Variants in SHISA9 observed in about 807,000 individuals in gnomAD.
SHISA9 encodes the protein protein shisa-9.
Under a neutral mutation model 38.0 loss-of-function variants are expected in SHISA9, and 13 were observed. The observed-to-expected ratio is 0.34, with a 90% confidence interval of 0.22 to 0.54. SHISA9 has a LOEUF of 0.54. SHISA9 is among the 20% of genes least tolerant of loss of function. The pLI is 0.91. For missense variants in SHISA9, 538 were observed against 575.8 expected, an observed-to-expected ratio of 0.93 and a Z score of 0.67; for synonymous variants, 275 against 242.0, an observed-to-expected ratio of 1.14 and a Z score of -1.27.
chr16:13,513,152 G>A, the SHISA9 span, among the ~76,000 whole-genome samples: 3 of 152,128 alleles, frequency 2.0e-5, no homozygotes, highest in African/African-American at 7.2e-5. Context: ...GAACTTAAAC[G>A]AATTTACAAG....
intron 2 of SHISA9, among the ~76,000 whole-genome samples, chr16:13,044,961 G>T (rs1166228694): frequency 6.6e-6 from 1 of 152,194 alleles, no homozygotes; most frequent in Non-Finnish European, 1.5e-5. Flanking sequence ...GCGCAGCTTG[G>T]TGCAGATGTT....
chr16:13,523,195 C>T, the SHISA9 span, among the ~76,000 whole-genome samples: 3 of 151,944 alleles, frequency 2.0e-5, no homozygotes, highest in Admixed American at 2.0e-4. Context: ...TAAAAAAATA[C>T]AAAAATTAGC....
chr16:12,998,584 C>T (rs936735367), intron 2 of SHISA9, among the ~76,000 whole-genome samples: 1 of 152,148 alleles, frequency 6.6e-6, no homozygotes, highest in Non-Finnish European at 1.5e-5. Flanking sequence ...GGCTGGAGTG[C>T]AGTGGTGCGA....
chr16:13,408,836 C>T, the SHISA9 span, among the ~76,000 whole-genome samples: 1 of 152,160 alleles, frequency 6.6e-6, no homozygotes, highest in African/African-American at 2.4e-5. Context: ...CAGAAGTATT[C>T]CTAGAAGTCA....
the SHISA9 span, among the ~76,000 whole-genome samples, chr16:13,351,894 T>C: frequency 0.82 from 124,561 of 152,186 alleles, 51,102 homozygotes; most frequent in East Asian, 0.96. Context: ...ATAGCAAACA[T>C]ACTGCTATCC....
At chr16:12,914,144 C>G (rs2071223582) in intron 1 of SHISA9, among the ~76,000 whole-genome samples, 1 of 149,652 alleles carries the variant, frequency 6.7e-6, no homozygotes, top group Non-Finnish European at 1.5e-5. Context: ...CTCCCGGGTT[C>G]AAGCAATTGT....
At chr16:13,320,189 G>A in the SHISA9 span, among the ~76,000 whole-genome samples, 6 of 149,578 alleles carry the variant, frequency 4.0e-5, no homozygotes, top group Non-Finnish European at 8.9e-5. Context: ...TACTCAGGAG[G>A]CTGAGGCAGG....
At chr16:13,174,707 G>A (rs1008390921) in intron 2 of SHISA9, among the ~76,000 whole-genome samples, 4 of 152,140 alleles carry the variant, frequency 2.6e-5, no homozygotes, top group Non-Finnish European at 4.4e-5. Flanking sequence ...GAGGGAAGAC[G>A]CTGGTTTTGT....
At chr16:13,270,819 G>A in the SHISA9 span, among the ~76,000 whole-genome samples, 1 of 152,142 alleles carries the variant, frequency 6.6e-6, no homozygotes, top group African/African-American at 2.4e-5. Flanking sequence ...AATGGGGAGG[G>A]GTAGAGCACC....
the SHISA9 span, among the ~76,000 whole-genome samples, chr16:13,362,000 G>C: frequency 6.6e-6 from 1 of 152,098 alleles, no homozygotes; most frequent in Non-Finnish European, 1.5e-5. Context: ...TCACACACTA[G>C]TTATGTGACC....
the SHISA9 span, among the ~76,000 whole-genome samples, chr16:13,437,854 CT>C: frequency 6.4e-4 from 40 of 62,870 alleles, no homozygotes; most frequent in East Asian, 2.3e-3. Flanking sequence ...GTTCCTAGCA[CT>C]TTTTTTTTCT....
At chr16:13,458,315 T>C in the SHISA9 span, 2 of 265,556 alleles carry the variant, frequency 7.5e-6, no homozygotes, top group South Asian at 3.8e-5. Context: ...ATAAAAATTA[T>C]TGAGACTCCA....
At chr16:12,994,197 G>A (rs1225399554) in intron 2 of SHISA9, among the ~76,000 whole-genome samples, 1 of 152,148 alleles carries the variant, frequency 6.6e-6, no homozygotes, top group Non-Finnish European at 1.5e-5. Context: ...GAGGGAGCCA[G>A]GGATAGTCGT....
At chr16:12,990,706 G>A (rs1250689714) in intron 2 of SHISA9, among the ~76,000 whole-genome samples, 2 of 152,132 alleles carry the variant, frequency 1.3e-5, no homozygotes, top group Non-Finnish European at 2.9e-5. Context: ...TAGAGAGCAG[G>A]GATGCTGGTA....
rs922123515 is a variant in SHISA9, at chr16:13,153,816, G to A, written c.692-49578G>A. 4.6e-5 allele frequency among the ~76,000 whole-genome samples: 7 copies of A among 152,144 alleles called. No individual in the cohort carries two copies. In the South Asian group the frequency reaches 8.3e-4, roughly 18 times the overall value. On this transcript the variant is annotated intron_variant, in intron 2 of 4. Coordinates refer to ENST00000558583, the MANE Select transcript of SHISA9 (RefSeq NM_001145204.3). ...ACTTTTTTCTGCAATGTTTGGGAACGCAGCATCTCTGGGTATTGGTCTATG... is the reference window on the plus strand; with the variant it reads ...ACTTTTTTCTGCAATGTTTGGGAACACAGCATCTCTGGGTATTGGTCTATG...
At chr16:13,330,481 G>A in the SHISA9 span, among the ~76,000 whole-genome samples, 3,111 of 152,268 alleles carry the variant, frequency 0.02, 89 homozygotes, top group African/African-American at 0.071. Flanking sequence ...CCTCTCTGTT[G>A]TAGTTTCTGG....
the SHISA9 span, among the ~76,000 whole-genome samples, chr16:13,437,289 T>G: frequency 6.6e-6 from 1 of 152,124 alleles, no homozygotes. Context: ...AGATGGACAT[T>G]AAAAGGCTCC....
intron 1 of SHISA9, chr16:12,908,658 A>G: frequency 1.9e-6 from 3 of 1,546,572 alleles, no homozygotes; most frequent in South Asian, 1.2e-5. Flanking sequence ...CTCAGATCAC[A>G]GAGAAGTACG....
At chr16:13,375,770 G>A in the SHISA9 span, among the ~76,000 whole-genome samples, 1 of 152,090 alleles carries the variant, frequency 6.6e-6, no homozygotes, top group African/African-American at 2.4e-5. Flanking sequence ...AACTAAAGAA[G>A]ACCTAAGTAA....
Sources: allele counts gnomAD v4.1 joint callset (sites outside exome capture counted in the v4.1 genomes callset), GRCh38; gene constraint gnomAD v4.1.1; transcripts MANE v1.5; gene names NCBI Gene and HGNC (gene_info 2026-07-23, HGNC 2026-07-21).